The following GFRAL variants were observed in gnomAD, a reference collection of about 807,000 sequenced individuals.
GFRAL encodes GDNF family receptor alpha-like.
A neutral mutation model predicts 45.4 loss-of-function variants in GFRAL; 36 were observed. That is an observed-to-expected ratio of 0.79 (90% confidence interval 0.61 to 1.05). The LOEUF (loss-of-function observed/expected upper bound fraction) is 1.05. GFRAL is among the 50% of genes least tolerant of loss of function. The pLI is 0.00. For synonymous variants in GFRAL, 166 were observed against 154.1 expected (o/e 1.08, Z -0.57); for missense variants, 507 against 467.5 (o/e 1.08, Z -0.78).
intron 6 of GFRAL, among the ~76,000 whole-genome samples, chr6:55,373,374 G>C (rs913077021): frequency 1.3e-5 from 2 of 152,136 alleles, no homozygotes; most frequent in Non-Finnish European, 2.9e-5. Flanking sequence ...TGTTCATAGA[G>C]TTTGAAGGAC....
chr6:55,373,792 T>C (rs892995015), intron 6 of GFRAL, among the ~76,000 whole-genome samples: 2 of 152,124 alleles, frequency 1.3e-5, no homozygotes, highest in African/African-American at 4.8e-5. Context: ...GATATACGGT[T>C]TGTTACATAG....
At chr6:55,337,644 A>C (rs1767909473) in intron 3 of GFRAL, among the ~76,000 whole-genome samples, 1 of 152,160 alleles carries the variant, frequency 6.6e-6, no homozygotes, top group Non-Finnish European at 1.5e-5. Flanking sequence ...TGTGTCTTCC[A>C]TTTGCTGAAT....
intron 6 of GFRAL, among the ~76,000 whole-genome samples, chr6:55,360,755 T>C (rs915869328): frequency 1.3e-5 from 2 of 151,936 alleles, no homozygotes; most frequent in Non-Finnish European, 2.9e-5. Context: ...GCTCATATGA[T>C]TACAGCAGGA....
chr6:55,381,825 C>A (rs964219271), intron 6 of GFRAL, among the ~76,000 whole-genome samples: 5 of 150,864 alleles, frequency 3.3e-5, no homozygotes, highest in Non-Finnish European at 7.4e-5. Flanking sequence ...GCAAAAACTC[C>A]TCTCTCTCTC....
intron 6 of GFRAL, among the ~76,000 whole-genome samples, chr6:55,380,411 C>T (rs370787630): frequency 2.6e-5 from 4 of 151,988 alleles, no homozygotes; most frequent in African/African-American, 9.6e-5. Context: ...CTGGCTAATC[C>T]TCAGAAATAT....
chr6:55,381,679 T>A lies in GFRAL; in HGVS notation c.953-17501T>A, dbSNP rs116083738. Among the ~76,000 whole-genome samples, 1,390 of 152,000 alleles carry A rather than the reference T, an allele frequency of 9.1e-3. 19 individuals carry two copies. The highest frequency in any genetic ancestry group is 0.032 in the African/African-American group (1,331 of 41,526). On this transcript the variant is annotated intron_variant, in intron 6 of 8. Coordinates refer to ENST00000340465, the MANE Select transcript of GFRAL (RefSeq NM_207410.2). ...TAATGCAAAGACTGTGTAAAATGAC[T>A]TAATAAAGGTTCGAACTCACTTTTG...
chr6:55,380,877 T>C (rs1768599465), intron 6 of GFRAL, among the ~76,000 whole-genome samples: 1 of 152,004 alleles, frequency 6.6e-6, no homozygotes, highest in South Asian at 2.1e-4. Flanking sequence ...ACTGCTTCTC[T>C]ATTTAGAGCC....
At chr6:55,383,443 T>A (rs1012539528) in intron 6 of GFRAL, among the ~76,000 whole-genome samples, 7 of 152,008 alleles carry the variant, frequency 4.6e-5, no homozygotes, top group Admixed American at 2.0e-4. Context: ...GTGTTATACT[T>A]TGTTATACTG....
chr6:55,381,767 C>T (rs896350886), intron 6 of GFRAL, among the ~76,000 whole-genome samples: 5 of 151,802 alleles, frequency 3.3e-5, no homozygotes, highest in African/African-American at 1.2e-4. Flanking sequence ...AGATTACAGA[C>T]TATAAATAAA....
intron 8 of GFRAL, among the ~76,000 whole-genome samples, chr6:55,399,808 T>C (rs574564721): frequency 6.6e-6 from 1 of 152,290 alleles, no homozygotes; most frequent in Admixed American, 6.5e-5. Flanking sequence ...AACTGACCTA[T>C]TGTTTACTGC....
chr6:55,334,828 T>A (rs1767871629), intron 3 of GFRAL, among the ~76,000 whole-genome samples: 1 of 152,198 alleles, frequency 6.6e-6, no homozygotes, highest in African/African-American at 2.4e-5. Context: ...TTGTTTAACA[T>A]AATACATTAG....
At chr6:55,360,271 C>T (rs887083983) in intron 6 of GFRAL, among the ~76,000 whole-genome samples, 1 of 151,934 alleles carries the variant, frequency 6.6e-6, no homozygotes, top group African/African-American at 2.4e-5. Context: ...CCCTAGATCC[C>T]TAGCTGTAAC....
At chr6:55,332,889 A>G (rs903012311) in intron 2 of GFRAL, among the ~76,000 whole-genome samples, 11 of 151,018 alleles carry the variant, frequency 7.3e-5, no homozygotes, top group Middle Eastern at 3.5e-3. Flanking sequence ...TAAACTGTCT[A>G]TGTGGTAGAA....
At chr6:55,370,909 C>T (rs903782913) in intron 6 of GFRAL, among the ~76,000 whole-genome samples, 1 of 152,172 alleles carries the variant, frequency 6.6e-6, no homozygotes, top group Non-Finnish European at 1.5e-5. Flanking sequence ...ATGTGTGTTT[C>T]TGTGTCTTGC....
At chr6:55,347,747 C>A (rs942521764) in intron 3 of GFRAL, among the ~76,000 whole-genome samples, 7 of 152,042 alleles carry the variant, frequency 4.6e-5, no homozygotes, top group African/African-American at 1.7e-4. Flanking sequence ...TAGAGAAAAT[C>A]TAGGCTTCCC....
chr6:55,346,831 T>TC (rs1554187943), intron 3 of GFRAL, among the ~76,000 whole-genome samples: 854 of 21,488 alleles, frequency 0.04, 18 homozygotes, highest in Middle Eastern at 0.11. Flanking sequence ...AAACAAGAAA[T>TC]CCCCCCCCCC....
chr6:55,332,171 T>C (rs1767838877), intron 2 of GFRAL, among the ~76,000 whole-genome samples: 1 of 152,192 alleles, frequency 6.6e-6, no homozygotes, highest in African/African-American at 2.4e-5. Flanking sequence ...AATAAAAGGT[T>C]ATTTTGATTA....
chr6:55,372,333 A>G (rs1006669037), intron 6 of GFRAL, among the ~76,000 whole-genome samples: 15 of 152,142 alleles, frequency 9.9e-5, no homozygotes, highest in African/African-American at 3.6e-4. Flanking sequence ...ATGACTTACA[A>G]TCTTCAAGGA....
At chr6:55,377,179 C>T (rs4715539) in intron 6 of GFRAL, among the ~76,000 whole-genome samples, 42 of 151,874 alleles carry the variant, frequency 2.8e-4, no homozygotes, top group Admixed American at 1.4e-3. Context: ...AATTTAAAAA[C>T]GGTCTCCATC....
Sources: allele counts gnomAD v4.1 joint callset (sites outside exome capture counted in the v4.1 genomes callset), GRCh38; gene constraint gnomAD v4.1.1; transcripts MANE v1.5; gene names NCBI Gene and HGNC (gene_info 2026-07-23, HGNC 2026-07-21).